ZSCAN5A: variants seen among roughly 807,000 people sequenced by gnomAD.
The protein encoded by ZSCAN5A is zinc finger and SCAN domain containing 5A.
ZSCAN5A carries 12 observed loss-of-function variants against 23.7 expected under a neutral mutation model. The observed-to-expected ratio is 0.51, with a 90% CI of 0.32 to 0.82. The LOEUF (loss-of-function observed/expected upper bound fraction) is 0.82, where lower values mean the gene tolerates loss of function less well. Ranked by LOEUF, ZSCAN5A falls within the 40% of genes least tolerant of loss-of-function variation. ZSCAN5A has a pLI of 0.03. For missense variants in ZSCAN5A, 597 were observed against 617.9 expected, an observed-to-expected ratio of 0.97 and a Z score of 0.36; for synonymous variants, 257 against 239.9, an observed-to-expected ratio of 1.07 and a Z score of -0.66.
At chr19:56,326,362 G>A (rs2041434421) in intron 2 of ZSCAN5A, among the ~76,000 whole-genome samples, 3 of 150,558 alleles carry the variant, frequency 2.0e-5, no homozygotes, top group African/African-American at 7.4e-5. Flanking sequence ...GATAACTCTT[G>A]AAAAATTTCA....
intron 2 of ZSCAN5A, among the ~76,000 whole-genome samples, chr19:56,274,204 A>G (rs1308401535): frequency 1.3e-5 from 2 of 152,198 alleles, no homozygotes; most frequent in African/African-American, 4.8e-5. Flanking sequence ...CTGTAATCCC[A>G]GCACTTTGGG....
chr19:56,320,861 T>C, intron 2 of ZSCAN5A: 1 of 772,088 alleles, frequency 1.3e-6, no homozygotes, highest in South Asian at 1.3e-5. Context: ...TCCATAATCC[T>C]GGACAAGCTT....
chr19:56,279,140 G>A (rs2038487729), intron 2 of ZSCAN5A, among the ~76,000 whole-genome samples: 1 of 152,176 alleles, frequency 6.6e-6, no homozygotes, highest in Non-Finnish European at 1.5e-5. Flanking sequence ...CTATATGGGT[G>A]CCTTAGTCAA....
intron 2 of ZSCAN5A, chr19:56,347,843 T>G (rs2041644236): frequency 6.6e-6 from 1 of 152,294 alleles, no homozygotes; most frequent in African/African-American, 2.4e-5. Context: ...AGGAGGAGGA[T>G]GCCCAAAAGA....
chr19:56,228,273 C>G (rs561863646), intron 2 of ZSCAN5A: 6 of 985,368 alleles, frequency 6.1e-6, no homozygotes, highest in East Asian at 1.1e-4. Context: ...CTTCTGCCTC[C>G]GACCTTCTCG....
chr19:56,334,319 C>T (rs924911914), intron 2 of ZSCAN5A, among the ~76,000 whole-genome samples: 3 of 152,194 alleles, frequency 2.0e-5, no homozygotes, highest in Non-Finnish European at 4.4e-5. Context: ...TGGGGTGGCT[C>T]ACAGACTGCC....
upstream of ZSCAN5A, chr19:56,315,040 A>C (rs1258717083): frequency 8.6e-6 from 1 of 116,326 alleles, no homozygotes; most frequent in African/African-American, 3.0e-5. Flanking sequence ...TTACTAGTGC[A>C]GGCATTTTAT....
intron 2 of ZSCAN5A, among the ~76,000 whole-genome samples, chr19:56,251,836 T>A (rs1182627630): frequency 6.6e-6 from 1 of 152,222 alleles, no homozygotes; most frequent in African/African-American, 2.4e-5. Flanking sequence ...GCGCTGGAAT[T>A]ACAGATGTGA....
At position 56,222,467 on chromosome 19, in the gene ZSCAN5A, T is replaced by C. The variant is rs369250787; in HGVS notation, c.739+124A>G. On this transcript the variant is annotated intron_variant, in intron 5 of 5. Coordinates refer to ENST00000683990, the MANE Select transcript of ZSCAN5A (RefSeq NM_001322064.3). ...CATTGGACTGTAGGTCTCTGGAAAGTAGAGGATGGGGAGGCTTTGACAGCT... is the reference window on the plus strand; with the variant it reads ...CATTGGACTGTAGGTCTCTGGAAAGCAGAGGATGGGGAGGCTTTGACAGCT... 8.4e-6 allele frequency: 13 copies of C among 1,548,948 alleles called. No individual in the cohort carries two copies. In the South Asian group the frequency reaches 1.4e-4, roughly 17 times the overall value.
intron 2 of ZSCAN5A, among the ~76,000 whole-genome samples, chr19:56,262,557 G>A (rs1227377419): frequency 4.6e-5 from 7 of 151,794 alleles, no homozygotes; most frequent in African/African-American, 1.5e-4. Flanking sequence ...AGTATCCCAA[G>A]TAACTGGCAT....
chr19:56,303,994 A>T (rs992973467), intron 2 of ZSCAN5A, among the ~76,000 whole-genome samples: 3 of 152,176 alleles, frequency 2.0e-5, no homozygotes, highest in African/African-American at 4.8e-5. Flanking sequence ...GGTCCAGGTC[A>T]TGTAAGGTTC....
At chr19:56,313,559 C>T (rs1047425387) in intron 1 of ZSCAN5A, among the ~76,000 whole-genome samples, 175 bp from the exon 2 acceptor site, 2 of 152,162 alleles carry the variant, frequency 1.3e-5, no homozygotes, top group Admixed American at 6.5e-5. Flanking sequence ...AATGCCAATC[C>T]CTCCGTAGGT....
At chr19:56,300,651 A>G (rs2040162432) in intron 2 of ZSCAN5A, among the ~76,000 whole-genome samples, 1 of 152,244 alleles carries the variant, frequency 6.6e-6, no homozygotes, top group Non-Finnish European at 1.5e-5. Context: ...TCTAAAGTAA[A>G]TGCTCTAAGC....
chr19:56,252,012 A>G (rs538483486), intron 2 of ZSCAN5A, among the ~76,000 whole-genome samples: 2 of 152,370 alleles, frequency 1.3e-5, no homozygotes, highest in South Asian at 2.1e-4. Flanking sequence ...ATAAAGATTT[A>G]TTGACCACAA....
intron 2 of ZSCAN5A, among the ~76,000 whole-genome samples, chr19:56,278,082 C>T (rs2038399303): frequency 6.6e-6 from 1 of 150,398 alleles, no homozygotes. Flanking sequence ...ATTTCTGCTT[C>T]AGTCTGTCAC....
intron 2 of ZSCAN5A, among the ~76,000 whole-genome samples, chr19:56,304,054 CA>C (rs575346659): frequency 6.6e-6 from 1 of 152,286 alleles, no homozygotes; most frequent in South Asian, 2.1e-4. Flanking sequence ...GGACAGCCGC[CA>C]GCAAGATCCC....
At chr19:56,276,475 G>A (rs1441170626) in intron 2 of ZSCAN5A, among the ~76,000 whole-genome samples, 3 of 147,672 alleles carry the variant, frequency 2.0e-5, no homozygotes, top group East Asian at 3.9e-4. Context: ...CACTGAACAC[G>A]CGAAAAAAAT....
chr19:56,334,099 G>A (rs572898048), intron 2 of ZSCAN5A, among the ~76,000 whole-genome samples: 1 of 152,306 alleles, frequency 6.6e-6, no homozygotes, highest in East Asian at 1.9e-4. Flanking sequence ...AGTCTGGAAT[G>A]GGCAGGCCCA....
chr19:56,262,464 C>G (rs1209989219), intron 2 of ZSCAN5A, among the ~76,000 whole-genome samples: 1 of 151,128 alleles, frequency 6.6e-6, no homozygotes, highest in African/African-American at 2.4e-5. Flanking sequence ...TCCTGTTGCC[C>G]AGGCTGGCGT....
Sources: allele counts gnomAD v4.1 joint callset (sites outside exome capture counted in the v4.1 genomes callset), GRCh38; gene constraint gnomAD v4.1.1; transcripts MANE v1.5; gene names NCBI Gene and HGNC (gene_info 2026-07-23, HGNC 2026-07-21).